Variants in HIVEP3 observed in about 807,000 individuals in gnomAD.
HIVEP3 encodes transcription factor HIVEP3.
HIVEP3 carries 49 observed loss-of-function variants against 152.8 expected under a neutral mutation model. The observed-to-expected ratio is 0.32, with a 90% CI of 0.26 to 0.41. The LOEUF (loss-of-function observed/expected upper bound fraction) is 0.41, where lower values mean the gene tolerates loss of function less well. HIVEP3 is among the 10% of genes least tolerant of loss of function. HIVEP3 has a pLI of 1.00. For synonymous variants in HIVEP3, 1,269 were observed against 1,289.0 expected (o/e 0.98, Z 0.33); for missense variants, 2,790 against 3,103.3 (o/e 0.90, Z 2.40).
intron 1 of HIVEP3, among the ~76,000 whole-genome samples, chr1:41,740,992 C>T (rs2813899): frequency 0.12 from 17,596 of 152,070 alleles, 2,755 homozygotes; most frequent in African/African-American, 0.35. Flanking sequence ...TACCCAGAGA[C>T]GGTAGGGCAG....
intron 2 of HIVEP3, among the ~76,000 whole-genome samples, chr1:41,652,485 T>G (rs929076147): frequency 3.3e-5 from 5 of 152,042 alleles, no homozygotes; most frequent in African/African-American, 1.2e-4. Flanking sequence ...GATTTACACA[T>G]GGGGCCGAGG....
At chr1:41,646,924 T>C (rs2124000816) in intron 2 of HIVEP3, among the ~76,000 whole-genome samples, 1 of 152,308 alleles carries the variant, frequency 6.6e-6, no homozygotes, top group Non-Finnish European at 1.5e-5. Context: ...GGGAAGAATC[T>C]GTTTCCTCCT....
chr1:41,836,439 T>C (rs1262605094), intron 1 of HIVEP3, among the ~76,000 whole-genome samples: 1 of 152,218 alleles, frequency 6.6e-6, no homozygotes, highest in Non-Finnish European at 1.5e-5. Context: ...ACAAGGGACA[T>C]GCTGCAGTTC....
intron 1 of HIVEP3, among the ~76,000 whole-genome samples, chr1:41,931,434 A>G (rs904853865): frequency 6.6e-6 from 1 of 152,012 alleles, no homozygotes; most frequent in Non-Finnish European, 1.5e-5. Context: ...CTGGGCTCTC[A>G]ACTCTGTTCC....
chr1:41,809,857 T>A (rs1485874768), intron 1 of HIVEP3, among the ~76,000 whole-genome samples: 1 of 152,154 alleles, frequency 6.6e-6, no homozygotes, highest in East Asian at 1.9e-4. Context: ...TCTGCTGACA[T>A]CACCATCTCG....
At chr1:41,746,417 T>C (rs972047808) in intron 1 of HIVEP3, among the ~76,000 whole-genome samples, 7 of 152,170 alleles carry the variant, frequency 4.6e-5, no homozygotes, top group Admixed American at 2.0e-4. Context: ...AGAAAGAGCA[T>C]TGGGGACTTG....
intron 1 of HIVEP3, among the ~76,000 whole-genome samples, chr1:41,877,032 G>A (rs543022862): frequency 6.6e-6 from 1 of 152,278 alleles, no homozygotes; most frequent in South Asian, 2.1e-4. Context: ...TGCATTGAGA[G>A]GTTACTGTGG....
chr1:41,984,630 A>G (rs892748936), intron 1 of HIVEP3, among the ~76,000 whole-genome samples: 3 of 152,214 alleles, frequency 2.0e-5, no homozygotes, highest in Admixed American at 6.5e-5. Context: ...CACAACCCCC[A>G]TGGAGGACAC....
chr1:41,685,286 G>A (rs1192105920), intron 2 of HIVEP3, among the ~76,000 whole-genome samples: 2 of 152,204 alleles, frequency 1.3e-5, no homozygotes, highest in Admixed American at 1.3e-4. Context: ...GAGGACCAGG[G>A]CCTGTAGGAG....
rs372441501 is a variant in HIVEP3, at chr1:41,512,965, G to C, written c.6256C>G (p.Pro2086Ala). The change falls in exon 8 of 9, where the codon CCA (proline) becomes GCA (alanine). Residue 2086 changes from proline to alanine, a missense_variant. Coordinates refer to ENST00000372583, the MANE Select transcript of HIVEP3 (RefSeq NM_024503.5). ...GGCCCAGCCAAGGCCCACTTCCCTGGCGGCGCTGACCGTGGTGGTGACTCG... is the reference window on the plus strand; with the variant it reads ...GGCCCAGCCAAGGCCCACTTCCCTGCCGGCGCTGACCGTGGTGGTGACTCG... Reference protein sequence around the residue: ...QAESPPRSAPPGKWALAGPGS... With the variant: ...QAESPPRSAPAGKWALAGPGS... 8.1e-6 allele frequency: 13 copies of C among 1,611,638 alleles called. No individual in the cohort carries two copies. In the African/African-American group the frequency reaches 1.5e-4, roughly 18 times the overall value.
At chr1:41,715,404 G>A (rs955695808) in intron 1 of HIVEP3, among the ~76,000 whole-genome samples, 7 of 152,162 alleles carry the variant, frequency 4.6e-5, no homozygotes, top group Non-Finnish European at 8.8e-5. Context: ...CTGGGCCCAG[G>A]CGACCTGAAG....
intron 1 of HIVEP3, among the ~76,000 whole-genome samples, chr1:41,872,913 A>G (rs1269995923): frequency 6.6e-6 from 1 of 152,222 alleles, no homozygotes; most frequent in Non-Finnish European, 1.5e-5. Flanking sequence ...GTAAATACCT[A>G]GGAGTAAAAT....
At chr1:41,942,334 C>A (rs145399669) in intron 1 of HIVEP3, among the ~76,000 whole-genome samples, 1 of 152,306 alleles carries the variant, frequency 6.6e-6, no homozygotes, top group African/African-American at 2.4e-5. Context: ...CTGGCCTCCA[C>A]ATTTAAAGTT....
chr1:41,892,710 G>A (rs1334155560), intron 1 of HIVEP3, among the ~76,000 whole-genome samples: 1 of 152,032 alleles, frequency 6.6e-6, no homozygotes, highest in Non-Finnish European at 1.5e-5. Context: ...GGGTCAGTGT[G>A]GCTGCCTGGA....
chr1:41,843,259 T>G (rs918988606), intron 1 of HIVEP3, among the ~76,000 whole-genome samples: 1 of 152,216 alleles, frequency 6.6e-6, no homozygotes, highest in Non-Finnish European at 1.5e-5. Context: ...GTTATGAATA[T>G]TCCAAATACA....
At chr1:42,022,459 T>C (rs1446039018) in intron 1 of HIVEP3, among the ~76,000 whole-genome samples, 5 of 152,226 alleles carry the variant, frequency 3.3e-5, no homozygotes, top group Non-Finnish European at 7.3e-5. Flanking sequence ...GGAAGTGTTA[T>C]CTCTGTCCTA....
rs1426057059 is a variant in HIVEP3 at position 41,943,466 on chromosome 1, A to C, written n.120-24942T>G. Among the ~76,000 whole-genome samples, 3 of 152,334 alleles carry C rather than the reference A, an allele frequency of 2.0e-5. No homozygotes were observed. In the East Asian group the frequency reaches 5.8e-4, roughly 29 times the overall value. ...CTGAAATACTCAGTGGCTTCCCACTACCTACCTTGACTCCAAATTCCTGAG... is the reference window on the plus strand; with the variant it reads ...CTGAAATACTCAGTGGCTTCCCACTCCCTACCTTGACTCCAAATTCCTGAG... On this transcript the variant is annotated intron_variant and non_coding_transcript_variant, in intron 1 of 3. Transcript: ENST00000489103.
intron 1 of HIVEP3, among the ~76,000 whole-genome samples, chr1:42,025,328 C>T (rs984315652): frequency 6.6e-6 from 1 of 152,124 alleles, no homozygotes; most frequent in Non-Finnish European, 1.5e-5. Context: ...TTTAAAATTT[C>T]AGTTTTATAT....
At chr1:41,548,598 C>T (rs767571857) in intron 5 of HIVEP3, among the ~76,000 whole-genome samples, 11 of 152,118 alleles carry the variant, frequency 7.2e-5, no homozygotes, top group African/African-American at 2.2e-4. Context: ...TATAGTGGCC[C>T]GATATCGGCT....
Sources: allele counts gnomAD v4.1 joint callset (sites outside exome capture counted in the v4.1 genomes callset), GRCh38; gene constraint gnomAD v4.1.1; transcripts MANE v1.5; gene names NCBI Gene and HGNC (gene_info 2026-07-23, HGNC 2026-07-21).